PPM1K: variants seen among roughly 807,000 people sequenced by gnomAD.
PPM1K encodes the protein protein phosphatase, Mg2+/Mn2+ dependent 1K.
A neutral mutation model predicts 32.6 loss-of-function variants in PPM1K; 19 were observed. That is an observed-to-expected ratio of 0.58 (90% CI 0.41 to 0.86). The LOEUF (loss-of-function observed/expected upper bound fraction) is 0.86, where lower values mean the gene tolerates loss of function less well. Ranked by LOEUF, PPM1K falls within the 40% of genes least tolerant of loss-of-function variation. The pLI, the probability that PPM1K is intolerant of heterozygous loss-of-function variation, is 0.00. For missense variants in PPM1K, 362 were observed against 461.2 expected, an observed-to-expected ratio of 0.78 and a Z score of 1.97; for synonymous variants, 159 against 165.3, an observed-to-expected ratio of 0.96 and a Z score of 0.29.
chr4:88,266,526 G>GGTGCAGGTGATGCTGATTGACTGC (rs1731311827), intron 5 of PPM1K, among the ~76,000 whole-genome samples: 1 of 148,082 alleles, frequency 6.8e-6, no homozygotes, highest in African/African-American at 2.5e-5. Flanking sequence ...ATGCTGATTG[G>GGTGCAGGTGATGCTGATTGACTGC]GTGCAGGTGA....
chr4:88,266,558 T>C (rs1401705658), intron 5 of PPM1K, among the ~76,000 whole-genome samples: 3 of 143,250 alleles, frequency 2.1e-5, no homozygotes, highest in Non-Finnish European at 4.5e-5. Context: ...TGCGTGCAGG[T>C]GATGCTAGCT....
At chr4:88,263,402 T>C (rs1731198292) in intron 6 of PPM1K, among the ~76,000 whole-genome samples, 1 of 152,218 alleles carries the variant, frequency 6.6e-6, no homozygotes, top group African/African-American at 2.4e-5. Flanking sequence ...GGCAAACTTA[T>C]TAAAAGCTCT....
At position 88,262,387 on chromosome 4, in the gene PPM1K, C is replaced by A; in HGVS notation, c.*208G>T. 2 of 444,668 alleles carry A rather than the reference C, an allele frequency of 4.5e-6. No individual in the cohort carries two copies. The highest frequency in any genetic ancestry group is 7.8e-6 in the Non-Finnish European group (2 of 254,830). The allele number at this position is 444,668 out of a possible 1,614,324, so 27.5% of individuals were successfully genotyped here. A position where few individuals can be genotyped will look rare whatever the true frequency, so the allele number is the denominator to read the frequency against. ...CATTTGCTCTTTCCATTTAAAGACT[C>A]ACAGTAGCTTCACTACACATATATT... On this transcript the variant is annotated 3_prime_UTR_variant, in exon 7 of 7. Transcript: ENST00000608933.
Position 88,262,720 on chromosome 4 carries a change from GTATTGCCTGCA to G in PPM1K, c.988-5_993del. On this transcript the variant is annotated splice_acceptor_variant and splice_polypyrimidine_tract_variant and coding_sequence_variant and intron_variant, in exon 7 of 7. Coordinates refer to ENST00000608933, the MANE Select transcript of PPM1K (RefSeq NM_152542.5). LOFTEE classifies it high-confidence loss of function. ...GTACTGTTATCCTCAGTACCGTACT[GTATTGCCTGCA>G]AGGTTTGGCAGGAAGAAAGAGAAAA... is the stretch of plus-strand genomic sequence containing the variant. 1 of 1,601,696 alleles carries G rather than the reference GTATTGCCTGCA, an allele frequency of 6.2e-7. No homozygotes were observed. The highest frequency in any genetic ancestry group is 1.1e-5 in the South Asian group (1 of 88,276).
intron 1 of PPM1K, among the ~76,000 whole-genome samples, chr4:88,282,266 T>C (rs1406588756): frequency 6.6e-6 from 1 of 152,226 alleles, no homozygotes; most frequent in Non-Finnish European, 1.5e-5. Flanking sequence ...GCACTGGATT[T>C]GAGTTAAACT....
In PPM1K at chr4:88,268,231, T is replaced by C; in HGVS notation, c.811A>G (p.Thr271Ala). ...TCAGGTTCTGCTATGACACCACTGG[T>C]CTTAAGGTCCAAATCTCCAATACTT... ...TRSIGDLDLK[T>A]SGVIAEPETK... The change falls in exon 5 of 7, where the codon ACC becomes GCC. Residue 271 changes from threonine (T) to alanine (A), a missense_variant. Coordinates refer to ENST00000608933, the MANE Select transcript of PPM1K (RefSeq NM_152542.5). The C allele has an allele frequency of 6.2e-7, 1 of 1,614,150 alleles. No homozygotes were observed. The highest frequency in any genetic ancestry group is 1.1e-5 in the South Asian group (1 of 91,084).
intron 3 of PPM1K, chr4:88,276,277 CTTTTT>C (rs35349888): frequency 1.1e-5 from 11 of 984,914 alleles, no homozygotes; most frequent in African/African-American, 1.7e-5. Flanking sequence ...TGGTTTCTTT[CTTTTT>C]TTTAAGAAAA....
In PPM1K at chr4:88,269,042, C is replaced by T. The variant is rs538317420; in HGVS notation, c.542-136G>A. ...TCATTCTAATTTAACTAGAGCTAAGCAAATAAAATGCAAATGAACTATGTA... is the reference window on the plus strand; with the variant it reads ...TCATTCTAATTTAACTAGAGCTAAGTAAATAAAATGCAAATGAACTATGTA... On this transcript the variant is annotated intron_variant, in intron 3 of 6. Coordinates refer to ENST00000608933, the MANE Select transcript of PPM1K (RefSeq NM_152542.5). The T allele has an allele frequency of 8.4e-6, 6 of 716,092 alleles. No homozygotes were observed. In the East Asian group the frequency reaches 1.4e-4, roughly 17 times the overall value. 44.4% of individuals were successfully genotyped at this position (716,092 alleles called of 1,614,324 possible). A position where few individuals can be genotyped will look rare whatever the true frequency, so the allele number is the denominator to read the frequency against.
chr4:88,274,031 G>A (rs1221162943), intron 3 of PPM1K, among the ~76,000 whole-genome samples: 3 of 152,088 alleles, frequency 2.0e-5, no homozygotes, highest in African/African-American at 7.2e-5. Flanking sequence ...CCCTCTTTTT[G>A]CAGGAGAGAG....
intron 3 of PPM1K, chr4:88,274,950 CAAAT>C (rs1422401434): frequency 5.4e-6 from 2 of 370,924 alleles, no homozygotes; most frequent in Admixed American, 6.5e-5. Context: ...ATTTTAATAA[CAAAT>C]AACAAATTTA....
Position 88,278,621 on chromosome 4 carries a change from CA to C in PPM1K, c.-39del. 2 of 1,500,142 alleles carry C rather than the reference CA, an allele frequency of 1.3e-6. No homozygotes were observed. The highest frequency in any genetic ancestry group is 1.8e-6 in the Non-Finnish European group (2 of 1,104,382). 92.9% of individuals were successfully genotyped at this position (1,500,142 alleles called of 1,614,324 possible). On this transcript the variant is annotated 5_prime_UTR_variant, in exon 2 of 7. It adds an upstream start codon to the 5' untranslated region. Coordinates refer to ENST00000608933, the MANE Select transcript of PPM1K (RefSeq NM_152542.5). This position sits in a 1 kb window ranked among gnomAD's most constrained non-coding sequence, Gnocchi z 4.2. ...AAGGACTCAGTGATGAGGGAAAGGTCAATGGAACAATAATGGAATGTCTTCA... is the reference window on the plus strand; with the variant it reads ...AAGGACTCAGTGATGAGGGAAAGGTCATGGAACAATAATGGAATGTCTTCA...
chr4:88,267,302 GC>G (rs951079115), intron 5 of PPM1K, among the ~76,000 whole-genome samples: 4 of 151,652 alleles, frequency 2.6e-5, no homozygotes, highest in Non-Finnish European at 4.4e-5. Flanking sequence ...CTGACTGGGT[GC>G]AGGTGATGCT....
chr4:88,278,644 T>G lies in PPM1K; in HGVS notation c.-59-2A>C. On this transcript the variant is annotated splice_acceptor_variant, in intron 1 of 6. Coordinates refer to ENST00000608933, the MANE Select transcript of PPM1K (RefSeq NM_152542.5). LOFTEE classifies it low-confidence loss of function (5UTR_SPLICE). The surrounding 1 kb of genome is among the most constrained non-coding windows in gnomAD (Gnocchi z 4.2). Reference sequence around the variant, plus strand: ...GTCAATGGAACAATAATGGAATGTCTTCAAGAAAAATGATGCAAGTCACAG... The same window carrying G: ...GTCAATGGAACAATAATGGAATGTCGTCAAGAAAAATGATGCAAGTCACAG... The G allele has an allele frequency of 9.4e-6, 13 of 1,382,006 alleles. No homozygotes were observed. The highest frequency in any genetic ancestry group is 1.2e-5 in the Non-Finnish European group (12 of 1,010,496). The allele number at this position is 1,382,006 out of a possible 1,614,324, so 85.6% of individuals were successfully genotyped here.
chr4:88,277,370 C>A lies in PPM1K; in HGVS notation c.441-127G>T, dbSNP rs1731821625. On this transcript the variant is annotated intron_variant, in intron 2 of 6. Coordinates refer to ENST00000608933, the MANE Select transcript of PPM1K (RefSeq NM_152542.5). ...GGATTTTCCTGTCAAATGCTGAAGACCTACTGGCTAAGGAATACCTATTGA... is the reference window on the plus strand; with the variant it reads ...GGATTTTCCTGTCAAATGCTGAAGAACTACTGGCTAAGGAATACCTATTGA... The A allele has an allele frequency of 1.8e-5, 12 of 653,378 alleles. No homozygotes were observed. The South Asian group carries it at 2.1e-4, about 11-fold the overall frequency. 40.5% of individuals were successfully genotyped at this position (653,378 alleles called of 1,614,324 possible).
At chr4:88,269,198 C>G (rs970574892) in intron 3 of PPM1K, among the ~76,000 whole-genome samples, 5 of 152,162 alleles carry the variant, frequency 3.3e-5, no homozygotes, top group South Asian at 2.1e-4. Context: ...TCAAGTAGAG[C>G]TGACTTGAAC....
At chr4:88,275,340 T>A in intron 3 of PPM1K, 3 of 968,624 alleles carry the variant, frequency 3.1e-6, no homozygotes, top group Non-Finnish European at 3.7e-6. Context: ...AATTTCTTTA[T>A]ACAACTGTTT....
At chr4:88,284,208 G>A (rs1388498322) in intron 1 of PPM1K, 198 bp downstream of exon 1, 2 of 152,194 alleles carry the variant, frequency 1.3e-5, no homozygotes, top group African/African-American at 4.8e-5. Context: ...ACCTCCAAAG[G>A]GAAGAAAGCG....
intron 3 of PPM1K, chr4:88,275,519 A>T (rs1731730433): frequency 1.0e-6 from 1 of 985,160 alleles, no homozygotes; most frequent in Non-Finnish European, 1.2e-6. Flanking sequence ...ATCTACATTG[A>T]CTAGATACTT....
In PPM1K at chr4:88,284,485, A is replaced by G. The variant is rs1732162050; in HGVS notation, c.-139T>C. The G allele has an allele frequency of 6.6e-6, 1 of 152,286 alleles. No homozygotes were observed. The highest frequency in any genetic ancestry group is 1.5e-5 in the Non-Finnish European group (1 of 68,070). 9.4% of individuals were successfully genotyped at this position (152,286 alleles called of 1,614,324 possible). On this transcript the variant is annotated 5_prime_UTR_variant, in exon 1 of 7. Transcript: ENST00000608933. Reference sequence around the variant, plus strand: ...GAGGAGCTTTCTTGGTCGGTAAATAAGAGTGCCTTCTCCGTCGTCTCGGAT... The same window carrying G: ...GAGGAGCTTTCTTGGTCGGTAAATAGGAGTGCCTTCTCCGTCGTCTCGGAT...
Sources: gnomAD v4.1 joint callset for allele counts (sites outside exome capture counted in the v4.1 genomes callset) on GRCh38, gnomAD v4.1.1 for gene constraint, Gnocchi (gnomAD v3.1) non-coding constraint, MANE v1.5 for transcripts, NCBI Gene and HGNC (gene_info 2026-07-23, HGNC 2026-07-21) for gene names.